Variants in GMPPA observed in about 807,000 individuals in gnomAD.
GMPPA encodes mannose-1-phosphate guanylyltransferase regulatory subunit alpha.
GMPPA carries 46 observed loss-of-function variants against 58.6 expected under a neutral mutation model. That is an observed-to-expected ratio of 0.78 (90% CI 0.62 to 1.00). The LOEUF (loss-of-function observed/expected upper bound fraction) is 1.00, where lower values mean the gene tolerates loss of function less well. Ranked by LOEUF, GMPPA falls within the 50% of genes least tolerant of loss-of-function variation. The probability of loss-of-function intolerance (pLI) is 0.00; values close to 1 mark genes in which losing one functional copy is unlikely to be tolerated. For missense variants in GMPPA, 468 were observed against 556.4 expected, an observed-to-expected ratio of 0.84 and a Z score of 1.60; for synonymous variants, 211 against 214.9, an observed-to-expected ratio of 0.98 and a Z score of 0.16.
intron 3 of GMPPA, 148 bp downstream of exon 3, chr2:219,500,366 AT>A: frequency 1.5e-6 from 1 of 648,846 alleles, no homozygotes. Flanking sequence ...CCCTCAAGTT[AT>A]GCTGTGCAGC....
In GMPPA at chr2:219,506,088, C is replaced by A; in HGVS notation, c.993+16C>A. ...CACTTTGCAGGTAGGTACCAGCATACACAGCAGCATGTGACACCCCAAGAG... is the reference window on the plus strand; with the variant it reads ...CACTTTGCAGGTAGGTACCAGCATAAACAGCAGCATGTGACACCCCAAGAG... On this transcript the variant is annotated intron_variant, in intron 11 of 12. Transcript: ENST00000313597. 1 of 1,546,270 alleles carries A rather than the reference C, an allele frequency of 6.5e-7. No homozygotes were observed. Among genetic ancestry groups the A allele is most frequent in the Non-Finnish European group, 8.8e-7 (1 of 1,130,354 alleles).
In GMPPA at chr2:219,501,859, A is replaced by C. The variant is rs1186740657; in HGVS notation, c.251A>C (p.Gln84Pro). 1 of 1,614,034 alleles carries C rather than the reference A, an allele frequency of 6.2e-7. No homozygotes were observed. Among genetic ancestry groups the C allele is most frequent in the Admixed American group, 1.7e-5 (1 of 60,020 alleles). Residue 84 changes from glutamine to proline, a missense_variant, in exon 5 of 13, where the codon CAG (glutamine) becomes CCG (proline). Physicochemically the swap from Gln to Pro is moderately conservative, Grantham distance 76. Transcript: ENST00000313597. Reference sequence around the variant, plus strand: ...CGGGTCCCTGGGGACAGGTACCTGCAGGAATTTGCCCCCCTAGGCACAGGG... The same window carrying C: ...CGGGTCCCTGGGGACAGGTACCTGCCGGAATTTGCCCCCCTAGGCACAGGG... ...QEFNLPVRYLQEFAPLGTGGG... is the reference protein window; with the variant it reads ...QEFNLPVRYLPEFAPLGTGGG...
chr2:219,505,547 G>A lies in GMPPA; in HGVS notation c.845G>A (p.Trp282Ter). 6.4e-7 allele frequency: 1 copy of A among 1,566,358 alleles called. No individual in the cohort carries two copies. Among genetic ancestry groups the A allele is most frequent in the Non-Finnish European group, 8.7e-7 (1 of 1,155,378 alleles). Reference sequence around the variant, plus strand: ...GCCAAGCACACCCCAGGGGGCCCATGGATCCGAGGTACCCAGCCTGCCCCA... The same window carrying A: ...GCCAAGCACACCCCAGGGGGCCCATAGATCCGAGGTACCCAGCCTGCCCCA... ...RLAKHTPGGP[W>*]IRGNVYIHPT... The change falls in exon 9 of 13, where the codon TGG (tryptophan) becomes TAG (stop). Residue 282 changes from tryptophan to a stop codon, truncating the protein, a stop_gained. Transcript: ENST00000313597. LOFTEE classifies it high-confidence loss of function.
Position 219,506,434 on chromosome 2 carries a change from TG to T in GMPPA, c.1162+17del. On this transcript the variant is annotated intron_variant, in intron 12 of 12. Transcript: ENST00000313597. ...TATCACCATCCTGGGTATGGCTTCC[TG>T]GGGGCCAGGGCTGGGGGAACCCCTC... 2.5e-6 allele frequency: 4 copies of T among 1,607,622 alleles called. No homozygotes were observed. Among genetic ancestry groups the T allele is most frequent in the Non-Finnish European group, 8.5e-7 (1 of 1,176,934 alleles).
chr2:219,505,148 C>T, intron 7 of GMPPA, 80 bp from the exon 8 acceptor site: 1 of 1,485,252 alleles, frequency 6.7e-7, no homozygotes, highest in Non-Finnish European at 9.3e-7. Flanking sequence ...TCCTCCTACT[C>T]CTGTCCCTGG....
intron 1 of GMPPA, 172 bp downstream of exon 1, chr2:219,499,110 G>A (rs1331734147): frequency 6.6e-6 from 1 of 152,274 alleles, no homozygotes; most frequent in Non-Finnish European, 1.5e-5. Flanking sequence ...CAGTTGTGGG[G>A]TTCAGAGGGT....
In GMPPA at chr2:219,506,307, C is replaced by T; in HGVS notation, c.1047C>T (p.Arg349=). 6.2e-7 allele frequency: 1 copy of T among 1,613,898 alleles called. No individual in the cohort carries two copies. Among genetic ancestry groups the T allele is most frequent in the Non-Finnish European group, 8.5e-7 (1 of 1,179,914 alleles). ...SIVGWGSTVG[R]WARVEGTPSD... ...TGGGCTGGGGGAGCACCGTGGGACG[C>T]TGGGCCCGCGTGGAGGGTACCCCCA... Residue 349 remains arginine (R), a synonymous_variant, in exon 12 of 13, where the codon CGC becomes CGT. Coordinates refer to ENST00000313597, the MANE Select transcript of GMPPA (RefSeq NM_013335.4).
Position 219,500,199 on chromosome 2 carries a change from A to G in GMPPA, c.119A>G (p.His40Arg), listed in dbSNP as rs1575219632. 2 of 1,573,632 alleles carry G rather than the reference A, an allele frequency of 1.3e-6. No individual in the cohort carries two copies. The highest frequency in any genetic ancestry group is 1.3e-5 in the African/African-American group (1 of 74,330). The part of the protein sequence containing the change: ...PVAGVPMIQH[H>R]IEACAQVPGM... ...GCAGGGGTCCCTATGATCCAACACC[A>G]TATTGAAGCCTGTGCCCAGGTAACC... Residue 40 changes from histidine to arginine, a missense_variant, in exon 3 of 13, where the codon CAT becomes CGT. His to Arg is a conservative substitution (Grantham distance 29, BLOSUM62 0). Coordinates refer to ENST00000313597, the MANE Select transcript of GMPPA (RefSeq NM_013335.4).
chr2:219,505,953 G>A, intron 10 of GMPPA, 27 bp from the exon 11 acceptor site: 1 of 1,482,536 alleles, frequency 6.7e-7, no homozygotes, highest in South Asian at 1.2e-5. Context: ...TCCCTCCAGG[G>A]CTTATGGTGT....
At chr2:219,499,869 T>C (rs1559445175) in intron 1 of GMPPA, 87 bp from the exon 2 acceptor site, 2 of 966,662 alleles carry the variant, frequency 2.1e-6, no homozygotes. Flanking sequence ...GTTTACATCT[T>C]GGGAGAGGGC....
intron 4 of GMPPA, 25 bp downstream of exon 4, chr2:219,501,604 G>T (rs111228471): frequency 4.4e-6 from 6 of 1,373,188 alleles, no homozygotes; most frequent in Non-Finnish European, 6.2e-6. Context: ...ACTCGTATAT[G>T]GGGGGGTGGG....
At chr2:219,503,622 G>A (rs529047054) in intron 6 of GMPPA, among the ~76,000 whole-genome samples, 7 of 152,184 alleles carry the variant, frequency 4.6e-5, no homozygotes, top group Non-Finnish European at 8.8e-5. Context: ...AGAATCAAAA[G>A]GCAACCTTTG....
In GMPPA at chr2:219,502,878, C is replaced by T. The variant is rs1250245387; in HGVS notation, c.489+437C>T. ...AGCAGGAGCATGATAGGCAGGGCAG[C>T]AGGGCTCTGTCCTGTTTTGTGAAAC... On this transcript the variant is annotated intron_variant, in intron 6 of 12. Transcript: ENST00000313597. This position sits in a 1 kb window ranked among gnomAD's most constrained non-coding sequence, Gnocchi z 4.0. Among the ~76,000 whole-genome samples, 3 of 152,178 alleles carry T rather than the reference C, an allele frequency of 2.0e-5. No individual in the cohort carries two copies. The highest frequency in any genetic ancestry group is 4.4e-5 in the Non-Finnish European group (3 of 68,034).
At chr2:219,505,654 C>T (rs1282906361) in intron 9 of GMPPA, 61 bp from the exon 10 acceptor site, 4 of 1,586,532 alleles carry the variant, frequency 2.5e-6, no homozygotes, top group Non-Finnish European at 3.5e-6. Context: ...TCAATCCCTG[C>T]CCCTTCCTGA....
At chr2:219,506,554 C>T in intron 12 of GMPPA, 132 bp downstream of exon 12, 1 of 1,059,806 alleles carries the variant, frequency 9.4e-7, no homozygotes, top group Non-Finnish European at 1.4e-6. Context: ...CTGCTGTGTG[C>T]CAGGCCCTGT....
In GMPPA at chr2:219,501,888, G is replaced by T. The variant is rs753112469; in HGVS notation, c.280G>T (p.Gly94Cys). 4.6e-5 allele frequency: 74 copies of T among 1,614,038 alleles called. No individual in the cohort carries two copies. Among genetic ancestry groups the T allele is most frequent in the Non-Finnish European group, 5.9e-5 (70 of 1,180,016 alleles). ...ATTTGCCCCCCTAGGCACAGGGGGT[G>T]GTCTTTACCATTTTCGAGACCAGAT... ...QEFAPLGTGG[G>C]LYHFRDQILA... is the part of the protein sequence containing the mutation. The change falls in exon 5 of 13, where the codon GGT (glycine) becomes TGT (cysteine). Residue 94 changes from glycine to cysteine, a missense_variant. By Grantham distance (159) the Gly-to-Cys change is radical. Transcript: ENST00000313597.
Position 219,504,224 on chromosome 2 carries a change from C to T in GMPPA, c.620+11C>T, listed in dbSNP as rs917807182. On this transcript the variant is annotated intron_variant, in intron 7 of 12. Transcript: ENST00000313597. ...GCAGGATGGGCAATTGTGAGGCAGG[C>T]CCCATAGCCCTGTGACCCCAAGTAC... is the stretch of plus-strand genomic sequence containing the variant. 3.7e-6 allele frequency: 6 copies of T among 1,612,728 alleles called. No homozygotes were observed. Among genetic ancestry groups the T allele is most frequent in the Non-Finnish European group, 4.2e-6 (5 of 1,179,124 alleles).
chr2:219,503,482 G>A (rs114202116), intron 6 of GMPPA, among the ~76,000 whole-genome samples: 133 of 152,154 alleles, frequency 8.7e-4, no homozygotes, highest in Non-Finnish European at 1.5e-3. Context: ...ATATAAACAC[G>A]CACACACACA....
chr2:219,501,607 G>C (rs760570298), intron 4 of GMPPA, 28 bp downstream of exon 4: 43 of 1,385,376 alleles, frequency 3.1e-5, no homozygotes, highest in Admixed American at 5.0e-5. Flanking sequence ...CGTATATGGG[G>C]GGGTGGGGAT....
Sources: allele counts gnomAD v4.1 joint callset (sites outside exome capture counted in the v4.1 genomes callset), GRCh38; gene constraint gnomAD v4.1.1; non-coding constraint Gnocchi (gnomAD v3.1); transcripts MANE v1.5; gene names NCBI Gene and HGNC (gene_info 2026-07-23, HGNC 2026-07-21).